The following CFAP299 variants were observed in gnomAD, a reference collection of about 807,000 sequenced individuals.
The protein encoded by CFAP299 is cilia and flagella associated protein 299, also known as cilia- and flagella-associated protein 299.
Under a neutral mutation model 27.0 loss-of-function variants are expected in CFAP299, and 21 were observed. The ratio of observed to expected loss-of-function variants is 0.78; its 90% CI spans 0.55 to 1.12. The LOEUF (loss-of-function observed/expected upper bound fraction) is 1.12. CFAP299 is among the 50% of genes most tolerant of loss of function. The pLI, the probability that CFAP299 is intolerant of heterozygous loss-of-function variation, is 0.00. For synonymous variants in CFAP299, 104 were observed against 98.1 expected, an observed-to-expected ratio of 1.06 and a Z score of -0.36; for missense variants, 310 against 276.6, an observed-to-expected ratio of 1.12 and a Z score of -0.86.
chr4:80,378,883 A>G (rs1465905911), intron 2 of CFAP299, among the ~76,000 whole-genome samples: 1 of 151,912 alleles, frequency 6.6e-6, no homozygotes, highest in Non-Finnish European at 1.5e-5. Context: ...TTATTTTTTC[A>G]TTCATTTTAT....
intron 3 of CFAP299, among the ~76,000 whole-genome samples, chr4:80,853,852 G>A (rs1316469547): frequency 6.6e-6 from 1 of 152,146 alleles, no homozygotes; most frequent in Non-Finnish European, 1.5e-5. Context: ...TGGTGAGACA[G>A]GATATTAAAA....
intron 3 of CFAP299, among the ~76,000 whole-genome samples, chr4:80,629,876 AAAAAAAAAC>A (rs1481439415): frequency 2.7e-4 from 22 of 80,258 alleles, no homozygotes; most frequent in Admixed American, 2.6e-3. Flanking sequence ...ATCTGGAAAA[AAAAAAAAAC>A]AAAAAAAACA....
intron 2 of CFAP299, among the ~76,000 whole-genome samples, chr4:80,582,599 C>T (rs1221348900): frequency 1.3e-5 from 2 of 151,810 alleles, no homozygotes; most frequent in East Asian, 3.8e-4. Flanking sequence ...ATTCTTGATG[C>T]TTCCTTTCAT....
upstream of CFAP299, among the ~76,000 whole-genome samples, chr4:80,331,720 A>C (rs1721950591): frequency 6.6e-6 from 1 of 152,220 alleles, no homozygotes; most frequent in African/African-American, 2.4e-5. Flanking sequence ...CAAAAAGAGG[A>C]AAATTTTCAT....
intron 2 of CFAP299, among the ~76,000 whole-genome samples, chr4:80,580,698 G>A (rs1313191614): frequency 6.6e-6 from 1 of 151,886 alleles, no homozygotes; most frequent in Non-Finnish European, 1.5e-5. Context: ...TTATGCTATA[G>A]GAAGCTATGA....
chr4:80,618,339 A>C (rs931123012), intron 3 of CFAP299, among the ~76,000 whole-genome samples: 2 of 152,166 alleles, frequency 1.3e-5, no homozygotes, highest in African/African-American at 4.8e-5. Flanking sequence ...TCTCATGAGC[A>C]TGTGAGTAAG....
intron 3 of CFAP299, among the ~76,000 whole-genome samples, chr4:80,744,354 C>T (rs891205066): frequency 6.7e-6 from 1 of 149,496 alleles, no homozygotes; most frequent in African/African-American, 2.5e-5. Context: ...TGCAGCTCTC[C>T]TCCAAACCTG....
chr4:80,329,063 TATAAG>T, the CFAP299 span, among the ~76,000 whole-genome samples: 1 of 152,004 alleles, frequency 6.6e-6, no homozygotes, highest in South Asian at 2.1e-4. Context: ...CTTAAAACAA[TATAAG>T]ATTTCTTTTT....
intron 2 of CFAP299, among the ~76,000 whole-genome samples, chr4:80,483,872 T>G (rs1730683990): frequency 6.6e-6 from 1 of 152,180 alleles, no homozygotes. Context: ...ACTTTCGAAT[T>G]GCTATTTTGT....
chr4:80,330,620 C>T, the CFAP299 span, among the ~76,000 whole-genome samples: 3 of 152,158 alleles, frequency 2.0e-5, no homozygotes, highest in African/African-American at 7.2e-5. Flanking sequence ...ATTTTCATGA[C>T]AACTTCCAGT....
At chr4:80,953,735 T>A (rs1214101869) in intron 5 of CFAP299, among the ~76,000 whole-genome samples, 1 of 152,054 alleles carries the variant, frequency 6.6e-6, no homozygotes, top group Non-Finnish European at 1.5e-5. Flanking sequence ...AAGAAAAAAA[T>A]ACATATATAT....
At chr4:80,583,845 G>A (rs1223351595) in intron 3 of CFAP299, among the ~76,000 whole-genome samples, 1 of 151,890 alleles carries the variant, frequency 6.6e-6, no homozygotes, top group Non-Finnish European at 1.5e-5. Context: ...TGCTAAAACT[G>A]TAGTAAGTGA....
chr4:80,710,578 C>T (rs1578046652), intron 3 of CFAP299, among the ~76,000 whole-genome samples: 1 of 138,874 alleles, frequency 7.2e-6, no homozygotes, highest in Non-Finnish European at 1.5e-5. Context: ...AGAAATAAGA[C>T]TTTTTTTTTT....
At chr4:80,672,624 CA>C (rs1741560953) in intron 3 of CFAP299, among the ~76,000 whole-genome samples, 1 of 152,114 alleles carries the variant, frequency 6.6e-6, no homozygotes, top group African/African-American at 2.4e-5. Context: ...GCTGTGAATC[CA>C]TCTGGTCTTG....
intron 3 of CFAP299, among the ~76,000 whole-genome samples, chr4:80,858,813 A>C (rs1282782161): frequency 6.6e-6 from 1 of 152,006 alleles, no homozygotes; most frequent in East Asian, 1.9e-4. Flanking sequence ...TTTGCTGAGG[A>C]GAGCTTTACT....
At chr4:80,539,260 G>C (rs1176771886) in intron 2 of CFAP299, among the ~76,000 whole-genome samples, 2 of 152,170 alleles carry the variant, frequency 1.3e-5, no homozygotes, top group Admixed American at 1.3e-4. Context: ...GTATAAAACA[G>C]TGTCAAACGT....
intron 2 of CFAP299, among the ~76,000 whole-genome samples, chr4:80,535,879 A>G (rs1733716550): frequency 6.6e-6 from 1 of 152,218 alleles, no homozygotes; most frequent in Non-Finnish European, 1.5e-5. Flanking sequence ...CCTCTAGAGT[A>G]TAGTGCTAGA....
At chr4:80,406,628 C>G (rs948329079) in intron 2 of CFAP299, among the ~76,000 whole-genome samples, 1 of 152,088 alleles carries the variant, frequency 6.6e-6, no homozygotes, top group Non-Finnish European at 1.5e-5. Flanking sequence ...AGTTAGTCTC[C>G]CAAAGCACTG....
chr4:80,510,433 C>T (rs1444579569), intron 2 of CFAP299, among the ~76,000 whole-genome samples: 2 of 152,136 alleles, frequency 1.3e-5, no homozygotes, highest in Non-Finnish European at 2.9e-5. Flanking sequence ...CAAGATGGCA[C>T]ACCTCTGTGG....
Sources: gnomAD v4.1 joint callset for allele counts (sites outside exome capture counted in the v4.1 genomes callset) on GRCh38, gnomAD v4.1.1 for gene constraint, MANE v1.5 for transcripts, NCBI Gene and HGNC (gene_info 2026-07-23, HGNC 2026-07-21) for gene names.